Variants in ARHGAP26 observed in about 807,000 individuals in gnomAD.
ARHGAP26 encodes Rho GTPase activating protein 26.
Under a neutral mutation model 104.8 loss-of-function variants are expected in ARHGAP26, and 38 were observed. That is an observed-to-expected ratio of 0.36 (90% CI 0.28 to 0.48). The LOEUF is 0.48. Ranked by LOEUF, ARHGAP26 falls within the 20% of genes least tolerant of loss-of-function variation. The probability of loss-of-function intolerance (pLI) is 0.99; values close to 1 mark genes in which losing one functional copy is unlikely to be tolerated. For synonymous variants in ARHGAP26, 341 were observed against 340.0 expected (o/e 1.00, Z -0.03); for missense variants, 704 against 947.9 (o/e 0.74, Z 3.38).
At chr5:142,810,782 T>C (rs1328094757) in intron 1 of ARHGAP26, among the ~76,000 whole-genome samples, 5 of 152,244 alleles carry the variant, frequency 3.3e-5, no homozygotes, top group African/African-American at 9.6e-5. Context: ...AGGGACACTC[T>C]TCGTTTAATA....
intron 20 of ARHGAP26, among the ~76,000 whole-genome samples, chr5:143,150,216 T>C (rs1799659044): frequency 6.6e-6 from 1 of 152,210 alleles, no homozygotes; most frequent in African/African-American, 2.4e-5. Context: ...GTCCAGCTAG[T>C]CTGAAATTGT....
chr5:143,141,805 T>C (rs1394118486), intron 19 of ARHGAP26, among the ~76,000 whole-genome samples: 2 of 152,196 alleles, frequency 1.3e-5, no homozygotes, highest in Non-Finnish European at 1.5e-5. Context: ...AACCCCCTAG[T>C]CAACATTCAT....
chr5:143,167,507 AAAAAAAAAAAAG>A lies in ARHGAP26; in HGVS notation c.1988+20130_1988+20141del, dbSNP rs1358703572. On this transcript the variant is annotated intron_variant, in intron 20 of 22. Transcript: ENST00000645722. ...CAAAAAAAAAAAAAAAAAAAAAAAA[AAAAAAAAAAAAG>A]AAATCCATTGTTTGTAATAAGAATA... Among the ~76,000 whole-genome samples the A allele has an allele frequency of 2.4e-3, 314 of 130,058 alleles. 4 individuals are homozygous for A. The highest frequency in any genetic ancestry group is 8.0e-3 in the African/African-American group (293 of 36,718). 85.3% of individuals were successfully genotyped at this position (130,058 alleles called of 152,430 possible). A position where few individuals can be genotyped will look rare whatever the true frequency, so the allele number is the denominator to read the frequency against.
At chr5:143,126,484 C>T (rs189180833) in intron 18 of ARHGAP26, among the ~76,000 whole-genome samples, 1 of 152,282 alleles carries the variant, frequency 6.6e-6, no homozygotes, top group East Asian at 1.9e-4. Context: ...GAAGCTGAAC[C>T]AAATAGTACT....
At chr5:142,933,202 A>C (rs1764961187) in intron 11 of ARHGAP26, among the ~76,000 whole-genome samples, 2 of 152,226 alleles carry the variant, frequency 1.3e-5, no homozygotes, top group African/African-American at 4.8e-5. Flanking sequence ...TTGATGTCAA[A>C]GGCCTTTGAA....
intron 11 of ARHGAP26, among the ~76,000 whole-genome samples, chr5:142,960,256 T>G (rs773250392): frequency 6.6e-6 from 1 of 152,224 alleles, no homozygotes; most frequent in Non-Finnish European, 1.5e-5. Flanking sequence ...TGAGCCTAAA[T>G]TGACAAAAGA....
intron 5 of ARHGAP26, among the ~76,000 whole-genome samples, chr5:142,888,432 G>A (rs150012311): frequency 0.012 from 1,773 of 152,314 alleles, 34 homozygotes; most frequent in African/African-American, 0.04. Context: ...AGGGAACTGA[G>A]TTTCTCGTAG....
intron 21 of ARHGAP26, among the ~76,000 whole-genome samples, chr5:143,208,455 A>G (rs992302217): frequency 1.3e-5 from 2 of 152,232 alleles, no homozygotes; most frequent in African/African-American, 4.8e-5. Flanking sequence ...AGAAAACCCC[A>G]TGCTATTTAT....
At chr5:143,190,518 C>G (rs1805786648) in intron 20 of ARHGAP26, among the ~76,000 whole-genome samples, 1 of 151,980 alleles carries the variant, frequency 6.6e-6, no homozygotes, top group African/African-American at 2.4e-5. Flanking sequence ...ATTTTATGAT[C>G]AGCAAAACTA....
intron 13 of ARHGAP26, among the ~76,000 whole-genome samples, chr5:143,038,546 C>T (rs373740575): frequency 6.6e-6 from 1 of 152,114 alleles, no homozygotes; most frequent in African/African-American, 2.4e-5. Flanking sequence ...GATGTTTACA[C>T]CGTGGTGATG....
chr5:143,179,893 C>T (rs148673495), intron 20 of ARHGAP26, among the ~76,000 whole-genome samples: 1 of 152,312 alleles, frequency 6.6e-6, no homozygotes, highest in African/African-American at 2.4e-5. Flanking sequence ...GTTACCATGA[C>T]CTCCCTGTCA....
At chr5:143,213,640 C>T (rs1174345266) in intron 21 of ARHGAP26, among the ~76,000 whole-genome samples, 2 of 152,152 alleles carry the variant, frequency 1.3e-5, no homozygotes, top group African/African-American at 2.4e-5. Context: ...AACTTCTTTC[C>T]TGCCCCTGCT....
chr5:142,939,891 T>C (rs1184962223), intron 11 of ARHGAP26, among the ~76,000 whole-genome samples: 2 of 152,250 alleles, frequency 1.3e-5, no homozygotes, highest in Non-Finnish European at 2.9e-5. Flanking sequence ...ACTATTGTCT[T>C]TTTGGAGAGG....
At chr5:142,789,852 A>G (rs542433533) in intron 1 of ARHGAP26, among the ~76,000 whole-genome samples, 90 of 152,260 alleles carry the variant, frequency 5.9e-4, no homozygotes, top group Middle Eastern at 6.8e-3. Context: ...TTCTTTCCTT[A>G]TGTATCCAGG....
chr5:142,951,597 C>T lies in ARHGAP26; in HGVS notation c.1107+19472C>T, dbSNP rs1017920912. Among the ~76,000 whole-genome samples, 8 of 152,086 alleles carry T rather than the reference C, an allele frequency of 5.3e-5. No homozygotes were observed. In the East Asian group the frequency reaches 1.3e-3, roughly 26 times the overall value. On this transcript the variant is annotated intron_variant, in intron 11 of 22. Transcript: ENST00000645722. ...GATTACTGTCAGGGTGGTAGTATGT[C>T]CGTCTTGAGGATCTTATCATCCTTT...
chr5:143,173,252 CT>C (rs1803027903), intron 20 of ARHGAP26: 1 of 155,466 alleles, frequency 6.4e-6, no homozygotes, highest in South Asian at 2.1e-4. Context: ...ATGGAGTGCC[CT>C]CGAACTCTTT....
Position 143,011,658 on chromosome 5 carries a change from C to T in ARHGAP26, c.1108-2422C>T, listed in dbSNP as rs77218874. 9.8e-3 allele frequency among the ~76,000 whole-genome samples: 1,493 copies of T among 152,240 alleles called. 34 individuals carry two copies. The highest frequency in any genetic ancestry group is 0.034 in the African/African-American group (1,403 of 41,550). On this transcript the variant is annotated intron_variant, in intron 11 of 22. Coordinates refer to ENST00000645722, the MANE Select transcript of ARHGAP26 (RefSeq NM_001135608.3). ...GGGGTCATTTGGTCTTAGCTTCTCT[C>T]CAACCCCTTTGTTTGTGCAGGTGCT...
At chr5:142,941,403 TG>T (rs1430832563) in intron 11 of ARHGAP26, among the ~76,000 whole-genome samples, 21 of 152,338 alleles carry the variant, frequency 1.4e-4, no homozygotes, top group African/African-American at 4.3e-4. Flanking sequence ...ATACTATGAA[TG>T]GGTGAAGAGT....
intron 20 of ARHGAP26, among the ~76,000 whole-genome samples, chr5:143,180,569 G>T (rs185130336): frequency 6.6e-6 from 1 of 152,130 alleles, no homozygotes; most frequent in Non-Finnish European, 1.5e-5. Flanking sequence ...TTACAGTTCC[G>T]CATGGCTGGG....
Sources: gnomAD v4.1 joint callset for allele counts (sites outside exome capture counted in the v4.1 genomes callset) on GRCh38, gnomAD v4.1.1 for gene constraint, MANE v1.5 for transcripts, NCBI Gene and HGNC (gene_info 2026-07-23, HGNC 2026-07-21) for gene names.